The following SLIT2 variants were observed in gnomAD, a reference collection of about 807,000 sequenced individuals.
The protein encoded by SLIT2 is slit guidance ligand 2, also known as slit homolog 2 protein.
Under a neutral mutation model 185.7 loss-of-function variants are expected in SLIT2, and 41 were observed. The ratio of observed to expected loss-of-function variants is 0.22; its 90% CI spans 0.17 to 0.29. SLIT2 has a LOEUF of 0.29. Among genes scored for constraint, SLIT2 ranks in the 10% least tolerant of loss-of-function variants. SLIT2 has a pLI of 1.00. For synonymous variants in SLIT2, 693 were observed against 680.2 expected (o/e 1.02, Z -0.29); for missense variants, 1,571 against 1,909.0 (o/e 0.82, Z 3.30).
chr4:20,487,684 A>G (rs1717374486), intron 7 of SLIT2, among the ~76,000 whole-genome samples: 2 of 152,164 alleles, frequency 1.3e-5, no homozygotes, highest in South Asian at 4.1e-4. Flanking sequence ...ATCTTTCCCA[A>G]AATGTAGCTT....
At chr4:20,340,188 A>G (rs1325722829) in intron 4 of SLIT2, among the ~76,000 whole-genome samples, 1 of 152,212 alleles carries the variant, frequency 6.6e-6, no homozygotes, top group African/African-American at 2.4e-5. Context: ...AAATAAGGAC[A>G]TGTTGGAGAA....
chr4:20,518,553 A>ATATGTG (rs1553916587), intron 11 of SLIT2, among the ~76,000 whole-genome samples: 6 of 24,588 alleles, frequency 2.4e-4, no homozygotes, highest in South Asian at 2.1e-3. Context: ...TGCCCAGCCT[A>ATATGTG]TATGTATATA....
At position 20,507,289 on chromosome 4, in the gene SLIT2, A is replaced by T. The variant is rs80087754; in HGVS notation, c.915-3206A>T. Among the ~76,000 whole-genome samples, 741 of 152,132 alleles carry T rather than the reference A, an allele frequency of 4.9e-3. 7 individuals carry two copies. Among genetic ancestry groups the T allele is most frequent in the African/African-American group, 0.017 (716 of 41,560 alleles). On this transcript the variant is annotated intron_variant, in intron 9 of 36. Transcript: ENST00000504154. ...GAAATTAGTTGTAGATTAATTACAG[A>T]AATTATCATAACATATATTTGAGTG...
chr4:20,550,001 A>G (rs908217699), intron 24 of SLIT2, among the ~76,000 whole-genome samples: 1 of 152,092 alleles, frequency 6.6e-6, no homozygotes, highest in Non-Finnish European at 1.5e-5. Flanking sequence ...GGTACTGTCA[A>G]GTATATTGGA....
chr4:20,261,402 A>G (rs187913158), intron 3 of SLIT2, among the ~76,000 whole-genome samples: 12 of 151,966 alleles, frequency 7.9e-5, no homozygotes, highest in African/African-American at 2.4e-4. Flanking sequence ...TAAATTCTCC[A>G]TGCAAAATTA....
intron 4 of SLIT2, among the ~76,000 whole-genome samples, chr4:20,272,043 AG>A (rs1364281852): frequency 6.6e-6 from 1 of 152,116 alleles, no homozygotes; most frequent in Non-Finnish European, 1.5e-5. Flanking sequence ...CTACATGTTC[AG>A]GTCAAGATGT....
At chr4:20,363,963 A>G (rs1422885566) in intron 4 of SLIT2, among the ~76,000 whole-genome samples, 1 of 152,168 alleles carries the variant, frequency 6.6e-6, no homozygotes, top group African/African-American at 2.4e-5. Context: ...TTTTTAAGCA[A>G]TGTTTCTAAG....
chr4:20,606,468 C>T (rs936051525), intron 33 of SLIT2, among the ~76,000 whole-genome samples: 3 of 139,048 alleles, frequency 2.2e-5, no homozygotes, highest in South Asian at 2.4e-4. Flanking sequence ...GCTGACAGAG[C>T]GAGACTCTGT....
chr4:20,541,338 A>C (rs2148877330), intron 19 of SLIT2, 115 bp from the exon 20 acceptor site: 1 of 833,750 alleles, frequency 1.2e-6, no homozygotes, highest in Non-Finnish European at 1.9e-6. Context: ...CAGGGAATGC[A>C]AAGAAGAAGG....
At position 20,431,856 on chromosome 4, in the gene SLIT2, T is replaced by C. The variant is rs1317191449; in HGVS notation, c.396-35896T>C. 2.6e-5 allele frequency among the ~76,000 whole-genome samples: 4 copies of C among 152,320 alleles called. No homozygotes were observed. In the East Asian group the frequency reaches 7.7e-4, roughly 29 times the overall value. On this transcript the variant is annotated intron_variant, in intron 4 of 36. Coordinates refer to ENST00000504154, the MANE Select transcript of SLIT2 (RefSeq NM_004787.4). ...TTGAGCTCCTGGCCGGGGCCAGGGT[T>C]CAGCATGTTCTACTGTGAGTAGGAG...
intron 4 of SLIT2, among the ~76,000 whole-genome samples, chr4:20,313,179 G>T (rs1418335635): frequency 6.6e-6 from 1 of 152,144 alleles, no homozygotes; most frequent in African/African-American, 2.4e-5. Flanking sequence ...ATTTATAAAA[G>T]AAAAGAGGTT....
At chr4:20,294,401 A>G (rs189244560) in intron 4 of SLIT2, among the ~76,000 whole-genome samples, 459 of 152,160 alleles carry the variant, frequency 3.0e-3, no homozygotes, top group Non-Finnish European at 4.4e-3. Flanking sequence ...GCTGGGCACT[A>G]TATAAAGCCA....
At chr4:20,320,116 A>G (rs1472284638) in intron 4 of SLIT2, among the ~76,000 whole-genome samples, 1 of 152,162 alleles carries the variant, frequency 6.6e-6, no homozygotes, top group African/African-American at 2.4e-5. Flanking sequence ...CATCTCTATT[A>G]TAAGTCAGGC....
At chr4:20,461,610 C>T (rs192324967) in intron 4 of SLIT2, among the ~76,000 whole-genome samples, 6 of 152,092 alleles carry the variant, frequency 3.9e-5, no homozygotes, top group East Asian at 1.9e-4. Context: ...ATGGTAGGTG[C>T]GATCAGGGGA....
chr4:20,398,679 A>G (rs1428468494), intron 4 of SLIT2, among the ~76,000 whole-genome samples: 1 of 151,770 alleles, frequency 6.6e-6, no homozygotes, highest in Non-Finnish European at 1.5e-5. Context: ...AGAAATAAAC[A>G]TCCCATCCAT....
At chr4:20,385,454 T>C (rs1413060177) in intron 4 of SLIT2, among the ~76,000 whole-genome samples, 1 of 152,154 alleles carries the variant, frequency 6.6e-6, no homozygotes, top group Non-Finnish European at 1.5e-5. Context: ...ATCAGTGATG[T>C]CCTCAAAAGT....
intron 4 of SLIT2, among the ~76,000 whole-genome samples, chr4:20,425,102 A>C (rs1259383306): frequency 6.6e-6 from 1 of 152,096 alleles, no homozygotes; most frequent in Non-Finnish European, 1.5e-5. Context: ...ATGAGTGCTC[A>C]TGAAGTTTTA....
intron 11 of SLIT2, among the ~76,000 whole-genome samples, chr4:20,513,421 CA>C (rs2148829856): frequency 1.3e-5 from 2 of 152,270 alleles, no homozygotes; most frequent in African/African-American, 4.8e-5. Flanking sequence ...GTTCACTTTC[CA>C]AAGATTAAGT....
intron 9 of SLIT2, among the ~76,000 whole-genome samples, chr4:20,504,119 T>C (rs945424123): frequency 2.0e-5 from 3 of 152,158 alleles, no homozygotes; most frequent in Non-Finnish European, 2.9e-5. Context: ...AAATAGAAAG[T>C]ACTTACTTTA....
Sources: gnomAD v4.1 joint callset for allele counts (sites outside exome capture counted in the v4.1 genomes callset) on GRCh38, gnomAD v4.1.1 for gene constraint, MANE v1.5 for transcripts, NCBI Gene and HGNC (gene_info 2026-07-23, HGNC 2026-07-21) for gene names.